The following GAS7 variants were observed in gnomAD, a reference collection of about 807,000 sequenced individuals.
GAS7 encodes the protein growth arrest-specific protein 7.
Under a neutral mutation model 71.1 loss-of-function variants are expected in GAS7, and 28 were observed. That is an observed-to-expected ratio of 0.39 (90% CI 0.29 to 0.54). The LOEUF is 0.54. Ranked by LOEUF, GAS7 falls within the 20% of genes least tolerant of loss-of-function variation. The pLI is 0.62. For missense variants in GAS7, 436 were observed against 627.8 expected, an observed-to-expected ratio of 0.69 and a Z score of 3.27; for synonymous variants, 258 against 245.8, an observed-to-expected ratio of 1.05 and a Z score of -0.46.
chr17:10,048,086 G>A lies in GAS7; in HGVS notation c.184-28189C>T, dbSNP rs1035052210. Among the ~76,000 whole-genome samples, 3 of 152,236 alleles carry A rather than the reference G, an allele frequency of 2.0e-5. No homozygotes were observed. The South Asian group carries it at 6.2e-4, about 32-fold the overall frequency. Reference sequence around the variant, plus strand: ...GGAGGGTGAAGCGGGCAGATCACTTGAGGTCAGGAGTTCAAGGCTAGCCTG... The same window carrying A: ...GGAGGGTGAAGCGGGCAGATCACTTAAGGTCAGGAGTTCAAGGCTAGCCTG... On this transcript the variant is annotated intron_variant, in intron 1 of 13. Transcript: ENST00000432992.
rs1321856068 is a variant in GAS7, at chr17:9,915,764, G to T, written c.*1464C>A. ...TCAATGGGAAAGATGAAGAAAGATG[G>T]ATTTCCAGGGCATGGGCTCCCGACT... On this transcript the variant is annotated 3_prime_UTR_variant, in exon 14 of 14. Coordinates refer to ENST00000432992, the MANE Select transcript of GAS7 (RefSeq NM_201433.2). 1 of 231,062 alleles carries T rather than the reference G, an allele frequency of 4.3e-6. No homozygotes were observed. The highest frequency in any genetic ancestry group is 8.6e-6 in the Non-Finnish European group (1 of 116,696). 14.3% of individuals were successfully genotyped at this position (231,062 alleles called of 1,614,324 possible). A position where few individuals can be genotyped will look rare whatever the true frequency, so the allele number is the denominator to read the frequency against.
chr17:10,062,370 G>A (rs1162216300), intron 1 of GAS7, among the ~76,000 whole-genome samples: 1 of 152,120 alleles, frequency 6.6e-6, no homozygotes, highest in African/African-American at 2.4e-5. Context: ...GTGTAATCTC[G>A]ACAACTCAGG....
chr17:9,937,055 A>G (rs1034248095), intron 8 of GAS7, among the ~76,000 whole-genome samples: 1 of 152,228 alleles, frequency 6.6e-6, no homozygotes, highest in Non-Finnish European at 1.5e-5. Context: ...CTGTGTGTAA[A>G]TGTAAATCAG....
At position 9,969,881 on chromosome 17, in the gene GAS7, C is replaced by A; in HGVS notation, c.386-119G>T. 1.5e-6 allele frequency: 1 copy of A among 680,004 alleles called. No individual in the cohort carries two copies. The highest frequency in any genetic ancestry group is 2.7e-6 in the Non-Finnish European group (1 of 372,388). 42.1% of individuals were successfully genotyped at this position (680,004 alleles called of 1,614,324 possible). A position where few individuals can be genotyped will look rare whatever the true frequency, so the allele number is the denominator to read the frequency against. Reference sequence around the variant, plus strand: ...CTTGGCTCTGAGAGGTCTTGCGTGGCGAAGACCATCCCTCAGGATCTGATC... The same window carrying A: ...CTTGGCTCTGAGAGGTCTTGCGTGGAGAAGACCATCCCTCAGGATCTGATC... On this transcript the variant is annotated intron_variant, in intron 3 of 13. Coordinates refer to ENST00000432992, the MANE Select transcript of GAS7 (RefSeq NM_201433.2). The surrounding 1 kb of genome is among the most constrained non-coding windows in gnomAD (Gnocchi z 5.5).
chr17:10,001,585 G>T (rs190514984), intron 2 of GAS7, among the ~76,000 whole-genome samples: 2 of 152,204 alleles, frequency 1.3e-5, no homozygotes, highest in East Asian at 1.9e-4. Flanking sequence ...AGCCTGAAAG[G>T]TTTTAAAAAC....
chr17:9,931,857 G>A (rs1015538826), intron 9 of GAS7, among the ~76,000 whole-genome samples: 2 of 152,108 alleles, frequency 1.3e-5, no homozygotes, highest in Non-Finnish European at 2.9e-5. Context: ...GTCCTTTCAC[G>A]TGTCTCAGTC....
chr17:10,090,895 A>C (rs2073575030), intron 1 of GAS7, among the ~76,000 whole-genome samples: 1 of 152,156 alleles, frequency 6.6e-6, no homozygotes, highest in South Asian at 2.1e-4. Context: ...ACACTTCGAC[A>C]TGCTGGAGAG....
chr17:9,983,651 G>A (rs984261094), intron 2 of GAS7, among the ~76,000 whole-genome samples: 38 of 151,954 alleles, frequency 2.5e-4, no homozygotes, highest in Non-Finnish European at 4.9e-4. Context: ...AGCTGGGCGC[G>A]ATGGTGTGTG....
intron 2 of GAS7, among the ~76,000 whole-genome samples, chr17:9,992,606 A>T (rs530367281): frequency 6.0e-5 from 9 of 149,748 alleles, no homozygotes; most frequent in Non-Finnish European, 1.2e-4. Context: ...TTAATTAATT[A>T]ATTTATTATT....
At chr17:10,078,471 G>T (rs1282135308) in intron 1 of GAS7, among the ~76,000 whole-genome samples, 1 of 152,124 alleles carries the variant, frequency 6.6e-6, no homozygotes, top group African/African-American at 2.4e-5. Flanking sequence ...AAAACCAATT[G>T]CTTTTGTTTT....
chr17:9,947,184 T>C (rs1187528574), intron 5 of GAS7, among the ~76,000 whole-genome samples: 1 of 152,178 alleles, frequency 6.6e-6, no homozygotes, highest in African/African-American at 2.4e-5. Flanking sequence ...TGTGAACCAG[T>C]ACCACCTCTC....
Position 10,034,560 on chromosome 17 carries a change from C to T in GAS7, c.184-14663G>A, listed in dbSNP as rs980391022. On this transcript the variant is annotated intron_variant, in intron 1 of 13. Transcript: ENST00000432992. This position sits in a 1 kb window ranked among gnomAD's most constrained non-coding sequence, Gnocchi z 4.4. The stretch of plus-strand genomic sequence containing the variant: ...CTGACCTCAGGTGATCTGCCCACCT[C>T]GGCCTCCCAAAGTGCTGGGATTACA... Among the ~76,000 whole-genome samples, 5 of 152,172 alleles carry T rather than the reference C, an allele frequency of 3.3e-5. No individual in the cohort carries two copies. Among genetic ancestry groups the T allele is most frequent in the South Asian group, 4.1e-4 (2 of 4,836 alleles).
At chr17:10,019,389 A>G (rs1182133169) in intron 2 of GAS7, among the ~76,000 whole-genome samples, 2 of 152,188 alleles carry the variant, frequency 1.3e-5, no homozygotes, top group Non-Finnish European at 2.9e-5. Context: ...CAAAATTCCA[A>G]GACATCATGC....
chr17:10,004,505 A>G (rs575209025), intron 2 of GAS7, among the ~76,000 whole-genome samples: 87 of 152,178 alleles, frequency 5.7e-4, no homozygotes, highest in South Asian at 1.0e-3. Context: ...CCCACCCCAC[A>G]GGCTCCACAC....
At chr17:10,185,566 A>T (rs945680309) in intron 1 of GAS7, among the ~76,000 whole-genome samples, 1 of 152,162 alleles carries the variant, frequency 6.6e-6, no homozygotes, top group Admixed American at 6.5e-5. Context: ...TGTTTCCCCA[A>T]GTTCTGTGAG....
chr17:9,943,089 G>A, intron 7 of GAS7, 32 bp downstream of exon 7: 6 of 1,411,304 alleles, frequency 4.3e-6, no homozygotes, highest in Non-Finnish European at 6.0e-6. Context: ...ACTGGTGCCA[G>A]GCCCCAGGGC....
intron 1 of GAS7, among the ~76,000 whole-genome samples, chr17:10,117,382 GT>G (rs544165639): frequency 8.5e-5 from 13 of 152,246 alleles, no homozygotes; most frequent in Non-Finnish European, 1.9e-4. Context: ...GCCACAGAAG[GT>G]AACATATTCA....
intron 1 of GAS7, among the ~76,000 whole-genome samples, chr17:10,046,959 C>T (rs900713703): frequency 6.6e-6 from 1 of 151,984 alleles, no homozygotes; most frequent in African/African-American, 2.4e-5. Flanking sequence ...CTTCACCACT[C>T]TCTGCCCATA....
intron 1 of GAS7, among the ~76,000 whole-genome samples, chr17:10,172,099 G>T (rs2074339400): frequency 6.6e-6 from 1 of 152,274 alleles, no homozygotes; most frequent in Non-Finnish European, 1.5e-5. Flanking sequence ...TCCCCTAAGT[G>T]TCCCTCGGGT....
Sources: allele counts gnomAD v4.1 joint callset (sites outside exome capture counted in the v4.1 genomes callset), GRCh38; gene constraint gnomAD v4.1.1; non-coding constraint Gnocchi (gnomAD v3.1); transcripts MANE v1.5; gene names NCBI Gene and HGNC (gene_info 2026-07-23, HGNC 2026-07-21).